Variants in CCS observed in about 807,000 individuals in gnomAD.
CCS encodes copper chaperone for superoxide dismutase.
A neutral mutation model predicts 35.5 loss-of-function variants in CCS; 32 were observed. The ratio of observed to expected loss-of-function variants is 0.90; its 90% confidence interval spans 0.68 to 1.21. The LOEUF is 1.21. Among genes scored for constraint, CCS ranks in the 50% most tolerant of loss-of-function variants. The pLI is 0.00. For missense variants in CCS, 342 were observed against 375.4 expected (o/e 0.91, Z 0.73); for synonymous variants, 130 against 147.2 (o/e 0.88, Z 0.84).
intron 2 of CCS, among the ~76,000 whole-genome samples, chr11:66,596,422 C>A (rs1202869592): frequency 6.6e-6 from 1 of 150,892 alleles, no homozygotes; most frequent in African/African-American, 2.4e-5. Context: ...CTCTGTTGCC[C>A]AGGCTGGAGT....
intron 2 of CCS, among the ~76,000 whole-genome samples, chr11:66,596,465 C>T (rs1405257747): frequency 2.6e-5 from 4 of 151,902 alleles, no homozygotes; most frequent in South Asian, 2.1e-4. Flanking sequence ...CTGCAAGCTC[C>T]GCCTCCCGGG....
rs1858528315 is a variant in CCS, at chr11:66,599,099, CCTCT to C, written c.113-14_113-11del. 6.2e-7 allele frequency: 1 copy of C among 1,613,936 alleles called. No individual in the cohort carries two copies. The highest frequency in any genetic ancestry group is 8.5e-7 in the Non-Finnish European group (1 of 1,180,026). On this transcript the variant is annotated splice_polypyrimidine_tract_variant and intron_variant, in intron 2 of 7. Transcript: ENST00000533244. Reference sequence around the variant, plus strand: ...GGTGCCAGCCTCTGTTGCCCTCTTCCCTCTCTTTCTTGCCAGGTGTCCAGGATGT... The same window carrying C: ...GGTGCCAGCCTCTGTTGCCCTCTTCCCTTTCTTGCCAGGTGTCCAGGATGT...
intron 5 of CCS, among the ~76,000 whole-genome samples, chr11:66,604,623 C>T (rs1220301990): frequency 6.6e-6 from 1 of 152,174 alleles, no homozygotes; most frequent in Non-Finnish European, 1.5e-5. Flanking sequence ...CTAGTCTGTT[C>T]TGTATCTGGG....
intron 2 of CCS, among the ~76,000 whole-genome samples, chr11:66,595,444 T>G (rs372533931): frequency 1.3e-5 from 2 of 152,282 alleles, no homozygotes; most frequent in South Asian, 2.1e-4. Flanking sequence ...GCATGTTTCT[T>G]AGGCAACAGA....
intron 4 of CCS, 125 bp downstream of exon 4, chr11:66,599,761 A>G: frequency 1.1e-6 from 1 of 936,210 alleles, no homozygotes. Context: ...TGAGGCTCAC[A>G]GAGGTTAAAT....
chr11:66,605,571 T>C lies in CCS; in HGVS notation c.650T>C (p.Ile217Thr). The C allele has an allele frequency of 6.2e-7, 1 of 1,613,876 alleles. No homozygotes were observed. The highest frequency in any genetic ancestry group is 8.5e-7 in the Non-Finnish European group (1 of 1,179,924). Residue 217 changes from isoleucine (I) to threonine (T), a missense_variant, in exon 7 of 8, where the codon ATC (isoleucine) becomes ACC (threonine). Transcript: ENST00000533244. ...CGGGGAGGCCATCCCTTATCCAAGA[T>C]CACAGGGAACTCCGGGGAGAGGTGA... ...LGRGGHPLSK[I>T]TGNSGERLAC...
chr11:66,604,293 G>A (rs189752093), intron 5 of CCS, among the ~76,000 whole-genome samples: 21 of 152,158 alleles, frequency 1.4e-4, no homozygotes, highest in African/African-American at 4.8e-4. Flanking sequence ...CCCCCTTCTT[G>A]ATCTTTCTAC....
At chr11:66,600,571 G>C in intron 5 of CCS, 22 bp downstream of exon 5, 3 of 1,444,730 alleles carry the variant, frequency 2.1e-6, no homozygotes, top group Non-Finnish European at 2.8e-6. Flanking sequence ...TCTGGGTTTG[G>C]GCTTGGGCTG....
At chr11:66,601,740 T>TG (rs923607113) in intron 5 of CCS, among the ~76,000 whole-genome samples, 24 of 151,806 alleles carry the variant, frequency 1.6e-4, no homozygotes, top group East Asian at 5.8e-4. Flanking sequence ...ATTTTTTTTT[T>TG]TTGTTTTTTT....
At position 66,596,380 on chromosome 11, in the gene CCS, C is replaced by CT. The variant is rs763924445; in HGVS notation, c.112+2683dup. 2.5e-3 allele frequency among the ~76,000 whole-genome samples: 346 copies of CT among 137,022 alleles called. 1 individual carries two copies. The highest frequency in any genetic ancestry group is 4.8e-3 in the East Asian group (23 of 4,744). The allele number at this position is 137,022 out of a possible 152,430, so 89.9% of individuals were successfully genotyped here. A position where few individuals can be genotyped will look rare whatever the true frequency, so the allele number is the denominator to read the frequency against. On this transcript the variant is annotated intron_variant, in intron 2 of 7. Transcript: ENST00000533244. ...CCACGCCTGGCCATCTGACAACTGA[C>CT]TTTTTTTTTTTTTTTTTGAGACGGA...
chr11:66,594,154 C>G (rs903720665), intron 2 of CCS, among the ~76,000 whole-genome samples: 3 of 151,506 alleles, frequency 2.0e-5, no homozygotes, highest in South Asian at 4.2e-4. Context: ...GTCAGGAGAT[C>G]GAGACCATCC....
At chr11:66,596,315 C>T (rs1858475561) in intron 2 of CCS, among the ~76,000 whole-genome samples, 1 of 152,114 alleles carries the variant, frequency 6.6e-6, no homozygotes, top group African/African-American at 2.4e-5. Context: ...GATCCACCTG[C>T]CTCAACCTCC....
rs1305192085 is a variant in CCS, at chr11:66,599,603, A to G, written c.395A>G (p.His132Arg). The change falls in exon 4 of 8, where the codon CAT (histidine) becomes CGT (arginine). Residue 132 changes from histidine to arginine, a missense_variant. Transcript: ENST00000533244. ...CCTGGGCTGCATGGACTCCACGTCCATCAGTACGGGGACCTTACAAACAAC... is the reference window on the plus strand; with the variant it reads ...CCTGGGCTGCATGGACTCCACGTCCGTCAGTACGGGGACCTTACAAACAAC... ...LEPGLHGLHVHQYGDLTNNCN... is the reference protein window; with the variant it reads ...LEPGLHGLHVRQYGDLTNNCN... 1.2e-6 allele frequency: 2 copies of G among 1,608,066 alleles called. No homozygotes were observed. The highest frequency in any genetic ancestry group is 2.7e-5 in the African/African-American group (2 of 74,510).
chr11:66,602,836 A>G (rs903966614), intron 5 of CCS, among the ~76,000 whole-genome samples: 3 of 152,252 alleles, frequency 2.0e-5, no homozygotes, highest in African/African-American at 7.2e-5. Flanking sequence ...GGAAGAACTG[A>G]GCAGGAGCTG....
chr11:66,604,819 C>T (rs1858628367), intron 5 of CCS, among the ~76,000 whole-genome samples: 1 of 152,218 alleles, frequency 6.6e-6, no homozygotes, highest in South Asian at 2.1e-4. Context: ...GCATTTCCTT[C>T]TGTTCCTGGA....
rs145400974 is a variant in CCS, at chr11:66,605,366, G to A, written c.517G>A (p.Ala173Thr). ...CCGCGGAGACCTGGGCAATGTCCGT[G>A]CTGATGCTGACGGCCGCGCCATCTT... ...RHRGDLGNVRADADGRAIFRM... is the reference protein window; with the variant it reads ...RHRGDLGNVRTDADGRAIFRM... The change falls in exon 6 of 8, where the codon GCT becomes ACT. Residue 173 changes from alanine to threonine, a missense_variant. Physicochemically the swap from Ala to Thr is moderately conservative, Grantham distance 58 (BLOSUM62 0). Transcript: ENST00000533244. The A allele has an allele frequency of 9.2e-5, 149 of 1,614,078 alleles. No individual in the cohort carries two copies. The highest frequency in any genetic ancestry group is 1.2e-4 in the Non-Finnish European group (145 of 1,180,034).
chr11:66,600,339 G>A (rs965353033), intron 4 of CCS, 150 bp from the exon 5 acceptor site: 18 of 448,996 alleles, frequency 4.0e-5, no homozygotes, highest in Admixed American at 2.5e-4. Context: ...GATTCTTCTC[G>A]GTGCCCTCTA....
At chr11:66,605,246 G>A in intron 5 of CCS, 93 bp from the exon 6 acceptor site, 1 of 1,573,414 alleles carries the variant, frequency 6.4e-7, no homozygotes, top group African/African-American at 1.3e-5. Context: ...CTTTAGGGAA[G>A]CAGGAAGAGG....
chr11:66,604,897 A>T (rs1204916455), intron 5 of CCS, among the ~76,000 whole-genome samples: 3 of 152,170 alleles, frequency 2.0e-5, no homozygotes, highest in Non-Finnish European at 4.4e-5. Context: ...GGCCAACTTA[A>T]GCCTATAGGA....
Sources: allele counts gnomAD v4.1 joint callset (sites outside exome capture counted in the v4.1 genomes callset), GRCh38; gene constraint gnomAD v4.1.1; transcripts MANE v1.5; gene names NCBI Gene and HGNC (gene_info 2026-07-23, HGNC 2026-07-21).